Variants in NEGR1 observed in about 807,000 individuals in gnomAD.
The protein encoded by NEGR1 is IgLON family member 4.
A neutral mutation model predicts 40.9 loss-of-function variants in NEGR1; 10 were observed. The observed-to-expected ratio is 0.24, with a 90% CI of 0.15 to 0.42. The LOEUF (loss-of-function observed/expected upper bound fraction) is 0.42. NEGR1 is among the 10% of genes least tolerant of loss of function. NEGR1 has a pLI of 1.00. For synonymous variants in NEGR1, 185 were observed against 166.8 expected (o/e 1.11, Z -0.84); for missense variants, 352 against 438.9 (o/e 0.80, Z 1.77).
intron 1 of NEGR1, among the ~76,000 whole-genome samples, chr1:72,196,255 G>C (rs910326837): frequency 6.6e-6 from 1 of 151,736 alleles, no homozygotes; most frequent in African/African-American, 2.4e-5. Flanking sequence ...TTTAAATTAG[G>C]GATGCTCAAC....
chr1:71,768,300 GC>G (rs1198982188), intron 3 of NEGR1, among the ~76,000 whole-genome samples: 1 of 152,194 alleles, frequency 6.6e-6, no homozygotes, highest in Non-Finnish European at 1.5e-5. Flanking sequence ...GGACAGAGCT[GC>G]CCAAGGCCTT....
intron 6 of NEGR1, among the ~76,000 whole-genome samples, chr1:71,570,339 A>C (rs1414705934): frequency 1.3e-5 from 2 of 152,148 alleles, no homozygotes; most frequent in Non-Finnish European, 2.9e-5. Flanking sequence ...CTTGCTTAAA[A>C]CTATAGCTCA....
chr1:72,163,729 AATAG>A (rs756796363), intron 1 of NEGR1, among the ~76,000 whole-genome samples: 13 of 60,332 alleles, frequency 2.2e-4, no homozygotes, highest in African/African-American at 6.8e-4. Context: ...ACAGATATCT[AATAG>A]ATAGATAGAT....
intron 3 of NEGR1, among the ~76,000 whole-genome samples, chr1:71,744,558 C>CT (rs530116562): frequency 1.3e-5 from 2 of 151,846 alleles, no homozygotes; most frequent in Non-Finnish European, 2.9e-5. Context: ...ACTCAGTTCC[C>CT]TTTTAAGATC....
chr1:72,273,333 G>T (rs1655920209), intron 1 of NEGR1, among the ~76,000 whole-genome samples: 1 of 151,968 alleles, frequency 6.6e-6, no homozygotes, highest in African/African-American at 2.4e-5. Context: ...GAAAGGAAGA[G>T]AAGGCTCCAT....
chr1:71,932,602 T>G (rs991868449), intron 2 of NEGR1, among the ~76,000 whole-genome samples: 3 of 151,874 alleles, frequency 2.0e-5, no homozygotes, highest in African/African-American at 7.2e-5. Context: ...CAAAATGATT[T>G]AAAAAAAATA....
chr1:72,130,159 C>A (rs1416286713), intron 1 of NEGR1, among the ~76,000 whole-genome samples: 1 of 152,126 alleles, frequency 6.6e-6, no homozygotes, highest in African/African-American at 2.4e-5. Context: ...ACGCTTTTTT[C>A]TTTGTCCTGC....
intron 3 of NEGR1, among the ~76,000 whole-genome samples, chr1:71,745,147 T>C (rs1655342045): frequency 1.3e-5 from 2 of 152,194 alleles, no homozygotes; most frequent in South Asian, 4.1e-4. Flanking sequence ...CAATTTGATA[T>C]AAACTTCAAA....
intron 2 of NEGR1, among the ~76,000 whole-genome samples, chr1:71,817,371 G>C (rs1658261829): frequency 6.6e-6 from 1 of 152,064 alleles, no homozygotes; most frequent in African/African-American, 2.4e-5. Context: ...TTTAGCCCAA[G>C]TACTTCCCCA....
At chr1:71,750,239 C>G (rs1006908529) in intron 3 of NEGR1, among the ~76,000 whole-genome samples, 1 of 151,722 alleles carries the variant, frequency 6.6e-6, no homozygotes, top group Non-Finnish European at 1.5e-5. Flanking sequence ...ATGATCCACC[C>G]GCCTCGGCCT....
chr1:72,154,104 T>C (rs1479612662), intron 1 of NEGR1, among the ~76,000 whole-genome samples: 8 of 151,768 alleles, frequency 5.3e-5, no homozygotes, highest in Non-Finnish European at 7.4e-5. Flanking sequence ...CTGGATAGAT[T>C]TGGGCCTGAG....
intron 1 of NEGR1, among the ~76,000 whole-genome samples, chr1:71,937,456 G>A (rs1272556510): frequency 6.6e-6 from 1 of 152,142 alleles, no homozygotes; most frequent in African/African-American, 2.4e-5. Context: ...TGTGACCACT[G>A]CATCTATGGC....
intron 1 of NEGR1, among the ~76,000 whole-genome samples, chr1:72,184,595 G>A (rs1420337119): frequency 6.6e-6 from 1 of 151,914 alleles, no homozygotes; most frequent in African/African-American, 2.4e-5. Context: ...AGAAGAAGAT[G>A]ATTAGATAAA....
intron 1 of NEGR1, among the ~76,000 whole-genome samples, chr1:72,241,938 G>A (rs962850533): frequency 2.0e-5 from 3 of 151,606 alleles, no homozygotes; most frequent in South Asian, 4.2e-4. Context: ...TTACTTAAAC[G>A]ATCTGTGAAA....
intron 1 of NEGR1, among the ~76,000 whole-genome samples, chr1:71,995,242 T>G (rs1646494138): frequency 6.6e-6 from 1 of 152,124 alleles, no homozygotes; most frequent in South Asian, 2.1e-4. Context: ...AGGCTTCGCT[T>G]GGTTATCTTC....
Position 71,698,107 on chromosome 1 carries a change from T to A in NEGR1, c.568A>T (p.Ile190Phe). 2 of 1,611,070 alleles carry A rather than the reference T, an allele frequency of 1.2e-6. No individual in the cohort carries two copies. Among genetic ancestry groups the A allele is most frequent in the Non-Finnish European group, 1.7e-6 (2 of 1,177,952 alleles). Residue 190 changes from isoleucine to phenylalanine, a missense_variant, in exon 4 of 7, where the codon ATT becomes TTT. By Grantham distance (21) the Ile-to-Phe change is conservative. This residue lies in a region of NEGR1 where 184 missense variants were observed against 208.7 expected (regional missense o/e 0.88). Coordinates refer to ENST00000357731, the MANE Select transcript of NEGR1 (RefSeq NM_173808.3). ...KPFENGQYLD[I>F]YGITRDQAGE... ...GCCTGGTCCCTTGTAATTCCATAAA[T>A]GTCCAAATATTGTCCATTTTCAAAT...
rs140172437 is a variant in NEGR1, at chr1:71,875,456, T to C, written c.409+59623A>G. 1.4e-4 allele frequency among the ~76,000 whole-genome samples: 22 copies of C among 152,300 alleles called. No homozygotes were observed. The East Asian group carries it at 4.1e-3, about 28-fold the overall frequency. On this transcript the variant is annotated intron_variant, in intron 2 of 6. Coordinates refer to ENST00000357731, the MANE Select transcript of NEGR1 (RefSeq NM_173808.3). ...GAGTCTTTGGAATTTAGCCGATTCA[T>C]GTTGTCAGTAGCAGTGGCATTTGAT... is the stretch of plus-strand genomic sequence containing the variant.
At chr1:71,822,427 G>GT (rs1306155079) in intron 2 of NEGR1, among the ~76,000 whole-genome samples, 1 of 151,990 alleles carries the variant, frequency 6.6e-6, no homozygotes, top group Non-Finnish European at 1.5e-5. Context: ...GATTTCATGA[G>GT]TGCTGGAACA....
chr1:72,174,296 G>C (rs1469173085), intron 1 of NEGR1, among the ~76,000 whole-genome samples: 1 of 152,068 alleles, frequency 6.6e-6, no homozygotes, highest in Admixed American at 6.6e-5. Flanking sequence ...CCCCACCAGA[G>C]TGGTGCATTT....
Sources: allele counts gnomAD v4.1 joint callset (sites outside exome capture counted in the v4.1 genomes callset), GRCh38; gene constraint gnomAD v4.1.1; regional missense constraint gnomAD v4.1.1; transcripts MANE v1.5; gene names NCBI Gene and HGNC (gene_info 2026-07-23, HGNC 2026-07-21).